MCPH1: variants seen among roughly 807,000 people sequenced by gnomAD.
MCPH1 encodes the protein microcephalin 1.
Under a neutral mutation model 84.5 loss-of-function variants are expected in MCPH1, and 104 were observed. That is an observed-to-expected ratio of 1.23 (90% CI 1.05 to 1.45). MCPH1 has a LOEUF of 1.45. Among genes scored for constraint, MCPH1 ranks in the 40% most tolerant of loss-of-function variants. The pLI is 0.00. For missense variants in MCPH1, 1,498 were observed against 1,005.7 expected (o/e 1.49, Z -6.62); for synonymous variants, 514 against 366.8 (o/e 1.40, Z -4.58).
chr8:6,568,472 C>G (rs1343954749), intron 12 of MCPH1, among the ~76,000 whole-genome samples: 4 of 152,134 alleles, frequency 2.6e-5, no homozygotes, highest in Admixed American at 6.5e-5. Flanking sequence ...GCTTGTGGGC[C>G]CCGTGACCCC....
chr8:6,551,194 G>C (rs1202753784), intron 12 of MCPH1, among the ~76,000 whole-genome samples: 4 of 152,062 alleles, frequency 2.6e-5, no homozygotes, highest in Non-Finnish European at 4.4e-5. Context: ...ATAGAGAAAG[G>C]GTCCTAGTTA....
intron 12 of MCPH1, chr8:6,508,547 T>C (rs1428394307): frequency 3.3e-6 from 1 of 305,256 alleles, no homozygotes; most frequent in Non-Finnish European, 5.9e-6. Context: ...GAAATATTTC[T>C]ATAATCTATA....
At chr8:6,568,652 A>G (rs2515513) in intron 12 of MCPH1, among the ~76,000 whole-genome samples, 128,243 of 152,216 alleles carry the variant, frequency 0.84, 54,666 homozygotes, top group East Asian at 0.94. Flanking sequence ...AAACACATGG[A>G]AAGGGCTCAG....
chr8:6,494,880 G>T (rs1026882568), intron 11 of MCPH1, among the ~76,000 whole-genome samples: 3 of 152,130 alleles, frequency 2.0e-5, no homozygotes, highest in Admixed American at 6.6e-5. Flanking sequence ...ACTTTAAAAT[G>T]GTTAATTGTA....
chr8:6,468,842 A>G (rs77053170), intron 9 of MCPH1, among the ~76,000 whole-genome samples: 2,196 of 152,210 alleles, frequency 0.014, 56 homozygotes, highest in African/African-American at 0.051. Context: ...AACAGTCCAC[A>G]TAAGGGAAAA....
intron 12 of MCPH1, among the ~76,000 whole-genome samples, chr8:6,525,433 T>G (rs1165067738): frequency 3.3e-5 from 5 of 152,212 alleles, no homozygotes; most frequent in Non-Finnish European, 7.4e-5. Context: ...TCTCATTATA[T>G]TGCCCTGGCT....
chr8:6,566,586 A>G (rs1166816395), intron 12 of MCPH1, among the ~76,000 whole-genome samples: 1 of 152,152 alleles, frequency 6.6e-6, no homozygotes, highest in African/African-American at 2.4e-5. Flanking sequence ...GTGATCAGCA[A>G]GGCCGTGGAT....
At chr8:6,566,589 C>T (rs1236834370) in intron 12 of MCPH1, among the ~76,000 whole-genome samples, 1 of 152,190 alleles carries the variant, frequency 6.6e-6, no homozygotes, top group Non-Finnish European at 1.5e-5. Context: ...ATCAGCAAGG[C>T]CGTGGATAGT....
intron 4 of MCPH1, among the ~76,000 whole-genome samples, chr8:6,432,784 C>G (rs1802029437): frequency 6.6e-6 from 1 of 152,262 alleles, no homozygotes; most frequent in Non-Finnish European, 1.5e-5. Context: ...CTTCTTCAGT[C>G]TTACCTGATT....
At chr8:6,548,474 C>G (rs559768097) in intron 12 of MCPH1, among the ~76,000 whole-genome samples, 1 of 152,100 alleles carries the variant, frequency 6.6e-6, no homozygotes. Flanking sequence ...CTGCCCAGCT[C>G]GAGGAAAATG....
chr8:6,540,873 G>A (rs912530897), intron 12 of MCPH1, among the ~76,000 whole-genome samples: 2 of 152,244 alleles, frequency 1.3e-5, no homozygotes, highest in Admixed American at 6.5e-5. Flanking sequence ...CCACCGCCGC[G>A]CTGGCTGGTA....
Position 6,488,155 on chromosome 8 carries a change from G to A in MCPH1, c.2136+7279G>A, listed in dbSNP as rs532094795. On this transcript the variant is annotated intron_variant, in intron 11 of 13. Coordinates refer to ENST00000344683, the MANE Select transcript of MCPH1 (RefSeq NM_024596.5). ...TCTGCGGAGGCTCCTGCAGGCTGCG[G>A]CAGCGTGGCCTCTGGCCGCTGGGAG... Among the ~76,000 whole-genome samples the A allele has an allele frequency of 1.2e-3, 180 of 152,378 alleles. 1 individual carries two copies. Among genetic ancestry groups the A allele is most frequent in the African/African-American group, 4.2e-3 (175 of 41,592 alleles).
intron 11 of MCPH1, among the ~76,000 whole-genome samples, chr8:6,493,177 G>C (rs191865251): frequency 6.6e-6 from 1 of 152,336 alleles, no homozygotes; most frequent in African/African-American, 2.4e-5. Context: ...CTTCACATGT[G>C]AGTACAGTGG....
At chr8:6,515,832 C>T (rs762215694) in intron 12 of MCPH1, among the ~76,000 whole-genome samples, 17 of 152,188 alleles carry the variant, frequency 1.1e-4, no homozygotes, top group Non-Finnish European at 1.9e-4. Flanking sequence ...AGCTTCAACG[C>T]ACACTGTTCT....
intron 9 of MCPH1, among the ~76,000 whole-genome samples, chr8:6,462,827 A>G (rs1806435306): frequency 6.6e-6 from 1 of 152,242 alleles, no homozygotes; most frequent in African/African-American, 2.4e-5. Flanking sequence ...CATATATAGA[A>G]GTGCTCAAAA....
chr8:6,483,012 G>A (rs146199624), intron 11 of MCPH1, among the ~76,000 whole-genome samples: 9 of 152,286 alleles, frequency 5.9e-5, no homozygotes, highest in Admixed American at 2.0e-4. Flanking sequence ...AATTTTCTAT[G>A]TAGACAAGTC....
chr8:6,423,864 G>A (rs1399684748), intron 3 of MCPH1, among the ~76,000 whole-genome samples: 2 of 152,118 alleles, frequency 1.3e-5, no homozygotes, highest in Non-Finnish European at 2.9e-5. Context: ...TGAGTTATCA[G>A]TTCTTCTTTC....
At chr8:6,557,707 A>ACT (rs1269088305) in intron 12 of MCPH1, among the ~76,000 whole-genome samples, 2 of 151,658 alleles carry the variant, frequency 1.3e-5, no homozygotes, top group African/African-American at 4.8e-5. Flanking sequence ...ACACACACAC[A>ACT]CACACACATA....
intron 3 of MCPH1, among the ~76,000 whole-genome samples, chr8:6,431,236 A>G (rs1047146061): frequency 6.6e-6 from 1 of 152,222 alleles, no homozygotes; most frequent in Admixed American, 6.5e-5. Context: ...GAAGTATGCT[A>G]CAAGTCAAAA....
Sources: allele counts gnomAD v4.1 joint callset (sites outside exome capture counted in the v4.1 genomes callset), GRCh38; gene constraint gnomAD v4.1.1; transcripts MANE v1.5; gene names NCBI Gene and HGNC (gene_info 2026-07-23, HGNC 2026-07-21).